Variants in PTPRR observed in about 807,000 individuals in gnomAD.
PTPRR encodes protein tyrosine phosphatase receptor type R.
A neutral mutation model predicts 77.2 loss-of-function variants in PTPRR; 38 were observed. The ratio of observed to expected loss-of-function variants is 0.49; its 90% confidence interval spans 0.38 to 0.65. PTPRR has a LOEUF of 0.65. Among genes scored for constraint, PTPRR ranks in the 30% least tolerant of loss-of-function variants. The pLI, the probability that PTPRR is intolerant of heterozygous loss-of-function variation, is 0.00. For missense variants in PTPRR, 744 were observed against 799.2 expected (o/e 0.93, Z 0.83); for synonymous variants, 299 against 283.1 (o/e 1.06, Z -0.57).
chr12:70,728,131 C>T (rs1889508388), intron 6 of PTPRR, among the ~76,000 whole-genome samples: 1 of 151,426 alleles, frequency 6.6e-6, no homozygotes, highest in Non-Finnish European at 1.5e-5. Context: ...TGTTGAATAA[C>T]CCAATACAGG....
At chr12:70,766,929 A>G (rs1197582069) in intron 2 of PTPRR, among the ~76,000 whole-genome samples, 1 of 152,182 alleles carries the variant, frequency 6.6e-6, no homozygotes, top group African/African-American at 2.4e-5. Flanking sequence ...TCATAAGTGA[A>G]GGAGAAATAA....
chr12:70,640,817 ACTTC>A (rs1885970656), intron 13 of PTPRR, among the ~76,000 whole-genome samples: 1 of 152,212 alleles, frequency 6.6e-6, no homozygotes, highest in African/African-American at 2.4e-5. Flanking sequence ...GAGCAGTAAA[ACTTC>A]CTTGTTTTAA....
chr12:70,903,496 C>A (rs980938379), intron 1 of PTPRR, among the ~76,000 whole-genome samples: 19 of 151,740 alleles, frequency 1.3e-4, no homozygotes, highest in South Asian at 4.2e-4. Flanking sequence ...AAAGGACAGC[C>A]TTTTCAAAAT....
At chr12:70,673,293 G>A (rs1395174193) in intron 10 of PTPRR, among the ~76,000 whole-genome samples, 1 of 152,112 alleles carries the variant, frequency 6.6e-6, no homozygotes, top group Non-Finnish European at 1.5e-5. Flanking sequence ...CAAGAATGAG[G>A]TAAAGCACTA....
At position 70,867,884 on chromosome 12, in the gene PTPRR, A is replaced by G. The variant is rs533931481; in HGVS notation, c.357+24795T>C. On this transcript the variant is annotated intron_variant, in intron 2 of 13. Transcript: ENST00000283228. Reference sequence around the variant, plus strand: ...ACAGAGCCCTCAGAAATAATGCCGCATATCTACAACCATCTGATCTTTGAC... The same window carrying G: ...ACAGAGCCCTCAGAAATAATGCCGCGTATCTACAACCATCTGATCTTTGAC... Among the ~76,000 whole-genome samples, 357 of 152,292 alleles carry G rather than the reference A, an allele frequency of 2.3e-3. 2 individuals are homozygous for G. The highest frequency in any genetic ancestry group is 8.2e-3 in the African/African-American group (342 of 41,552).
intron 2 of PTPRR, among the ~76,000 whole-genome samples, chr12:70,828,652 TG>T (rs1477589437): frequency 6.6e-6 from 1 of 152,228 alleles, no homozygotes; most frequent in Non-Finnish European, 1.5e-5. Flanking sequence ...GCATATTATA[TG>T]CAGTGATTCA....
chr12:70,779,509 C>G (rs1891158189), intron 2 of PTPRR, among the ~76,000 whole-genome samples: 1 of 152,188 alleles, frequency 6.6e-6, no homozygotes, highest in Admixed American at 6.5e-5. Flanking sequence ...AGCCTGACCA[C>G]TCTCTATCAG....
At chr12:70,866,014 C>A (rs1892838413) in intron 2 of PTPRR, among the ~76,000 whole-genome samples, 1 of 152,058 alleles carries the variant, frequency 6.6e-6, no homozygotes, top group Non-Finnish European at 1.5e-5. Context: ...ATACCAGAAT[C>A]TCTGGGACAC....
intron 2 of PTPRR, among the ~76,000 whole-genome samples, chr12:70,869,607 A>G (rs1892926078): frequency 6.6e-6 from 1 of 152,138 alleles, no homozygotes. Context: ...GCCATGGGAG[A>G]TTATCCTGGA....
At chr12:70,767,418 C>A (rs11178408) in intron 2 of PTPRR, among the ~76,000 whole-genome samples, 48,915 of 142,344 alleles carry the variant, frequency 0.34, 10,868 homozygotes, top group African/African-American at 0.6. Context: ...GAGACAAAGG[C>A]GGCCATTACA....
intron 4 of PTPRR, among the ~76,000 whole-genome samples, chr12:70,757,667 A>G (rs1264009814): frequency 2.0e-5 from 3 of 152,218 alleles, no homozygotes; most frequent in Non-Finnish European, 4.4e-5. Flanking sequence ...ATATCCTTCC[A>G]TGAAAGTAAT....
At chr12:70,742,200 T>C (rs938638895) in intron 6 of PTPRR, among the ~76,000 whole-genome samples, 89 of 152,194 alleles carry the variant, frequency 5.8e-4, no homozygotes, top group African/African-American at 1.8e-3. Context: ...CCTTAAAACG[T>C]AGAGGAAACC....
chr12:70,715,515 C>T (rs183467686), intron 6 of PTPRR, among the ~76,000 whole-genome samples: 9 of 152,276 alleles, frequency 5.9e-5, no homozygotes, highest in Admixed American at 5.9e-4. Context: ...CCTGGGAGCG[C>T]TATGCAAGAC....
chr12:70,743,101 T>A (rs1383199468), intron 6 of PTPRR, among the ~76,000 whole-genome samples: 2 of 151,950 alleles, frequency 1.3e-5, no homozygotes, highest in Non-Finnish European at 2.9e-5. Context: ...CATGGTTGGG[T>A]GATTCAGGAA....
intron 2 of PTPRR, among the ~76,000 whole-genome samples, chr12:70,880,742 T>C (rs1002099118): frequency 2.6e-5 from 4 of 152,162 alleles, no homozygotes; most frequent in Non-Finnish European, 4.4e-5. Flanking sequence ...TTCGAAATCT[T>C]TACACATCTG....
At chr12:70,894,549 T>C (rs1893392982) in intron 1 of PTPRR, among the ~76,000 whole-genome samples, 1 of 151,754 alleles carries the variant, frequency 6.6e-6, no homozygotes, top group Non-Finnish European at 1.5e-5. Flanking sequence ...ATTACTCTCC[T>C]TTCAGAAATG....
Position 70,641,671 on chromosome 12 carries a change from A to G in PTPRR, c.1881-2394T>C, listed in dbSNP as rs148780836. Among the ~76,000 whole-genome samples, 30 of 152,350 alleles carry G rather than the reference A, an allele frequency of 2.0e-4. No homozygotes were observed. In the East Asian group the frequency reaches 2.5e-3, roughly 13 times the overall value. ...GAAAATAAAAATGAAAAAAACTGGC[A>G]TCAGAGGAATTCTTAGAGATCATCC... On this transcript the variant is annotated intron_variant, in intron 13 of 13. Transcript: ENST00000283228.
At chr12:70,679,264 T>G (rs1258432878) in intron 10 of PTPRR, among the ~76,000 whole-genome samples, 2 of 152,240 alleles carry the variant, frequency 1.3e-5, no homozygotes, top group African/African-American at 4.8e-5. Context: ...TGATTTCTAG[T>G]TTTATAACAT....
At chr12:70,804,790 A>G (rs997539898) in intron 2 of PTPRR, among the ~76,000 whole-genome samples, 1 of 152,216 alleles carries the variant, frequency 6.6e-6, no homozygotes, top group Non-Finnish European at 1.5e-5. Context: ...AGCCTTGATG[A>G]ACGTGCGAAC....
Sources: gnomAD v4.1 joint callset for allele counts (sites outside exome capture counted in the v4.1 genomes callset) on GRCh38, gnomAD v4.1.1 for gene constraint, MANE v1.5 for transcripts, NCBI Gene and HGNC (gene_info 2026-07-23, HGNC 2026-07-21) for gene names.